MGST2: variants seen among roughly 807,000 people sequenced by gnomAD.
The protein encoded by MGST2 is glutathione peroxidase MGST2.
Under a neutral mutation model 16.6 loss-of-function variants are expected in MGST2, and 9 were observed. That is an observed-to-expected ratio of 0.54 (90% CI 0.33 to 0.95). MGST2 has a LOEUF of 0.95. Among genes scored for constraint, MGST2 ranks in the 40% least tolerant of loss-of-function variants. The pLI, the probability that MGST2 is intolerant of heterozygous loss-of-function variation, is 0.03. For missense variants in MGST2, 159 were observed against 175.1 expected, an observed-to-expected ratio of 0.91 and a Z score of 0.52; for synonymous variants, 79 against 68.0, an observed-to-expected ratio of 1.16 and a Z score of -0.79.
intron 5 of MGST2, among the ~76,000 whole-genome samples, chr4:139,723,113 G>T (rs6834271): frequency 0.12 from 18,240 of 152,236 alleles, 1,276 homozygotes; most frequent in East Asian, 0.16. Context: ...ATATCTATAT[G>T]AGTGCGAAAT....
chr4:139,693,262 G>A (rs1001672555), intron 2 of MGST2, among the ~76,000 whole-genome samples: 4 of 152,090 alleles, frequency 2.6e-5, no homozygotes, highest in African/African-American at 4.8e-5. Flanking sequence ...AAAATTAGCC[G>A]GGCGCGGTGG....
downstream of MGST2, among the ~76,000 whole-genome samples, chr4:139,745,171 G>A (rs1212683672): frequency 6.6e-6 from 1 of 152,184 alleles, no homozygotes; most frequent in Non-Finnish European, 1.5e-5. Context: ...TGCAAGGAGG[G>A]AGGTGGCCAC....
intron 5 of MGST2, among the ~76,000 whole-genome samples, chr4:139,726,214 T>C (rs1728467827): frequency 6.6e-6 from 1 of 152,252 alleles, no homozygotes; most frequent in East Asian, 1.9e-4. Flanking sequence ...GTCTGGCTTC[T>C]TGCATTCACC....
At chr4:139,686,493 G>A (rs1254285884) in intron 2 of MGST2, among the ~76,000 whole-genome samples, 1 of 152,182 alleles carries the variant, frequency 6.6e-6, no homozygotes, top group Non-Finnish European at 1.5e-5. Flanking sequence ...TGGCTGAGGA[G>A]GAAGTCCATT....
chr4:139,672,577 CTTT>C (rs34915408), intron 1 of MGST2, among the ~76,000 whole-genome samples: 10 of 142,500 alleles, frequency 7.0e-5, no homozygotes, highest in Admixed American at 1.4e-4. Context: ...CATTTACACA[CTTT>C]TTTTTTTTTT....
intron 5 of MGST2, among the ~76,000 whole-genome samples, chr4:139,739,510 T>C (rs765120169): frequency 6.6e-5 from 10 of 152,178 alleles, no homozygotes; most frequent in Non-Finnish European, 1.2e-4. Context: ...CAATTCTACA[T>C]TGGTTAAAAG....
intron 5 of MGST2, among the ~76,000 whole-genome samples, chr4:139,728,003 C>T (rs1012377193): frequency 1.3e-5 from 2 of 152,132 alleles, no homozygotes; most frequent in African/African-American, 2.4e-5. Context: ...ATTGCTTGAG[C>T]CCAGGAGTTC....
chr4:139,708,739 A>G (rs1310069527), downstream of MGST2, among the ~76,000 whole-genome samples: 1 of 152,152 alleles, frequency 6.6e-6, no homozygotes, highest in Non-Finnish European at 1.5e-5. Context: ...GCGGTGGCTC[A>G]CGCCTGTAAT....
intron 1 of MGST2, among the ~76,000 whole-genome samples, chr4:139,670,672 G>T (rs1730638180): frequency 6.6e-6 from 1 of 152,136 alleles, no homozygotes; most frequent in Non-Finnish European, 1.5e-5. Context: ...AAGCACTTTG[G>T]GTGACCAAGG....
At chr4:139,744,988 A>T (rs1413676178), downstream of MGST2, among the ~76,000 whole-genome samples, 1 of 152,222 alleles carries the variant, frequency 6.6e-6, no homozygotes. Flanking sequence ...ATTCTCCTTT[A>T]TGAAATGAGG....
intron 5 of MGST2, among the ~76,000 whole-genome samples, chr4:139,736,990 C>T (rs1361103882): frequency 1.3e-5 from 2 of 152,136 alleles, no homozygotes; most frequent in Non-Finnish European, 2.9e-5. Context: ...CCCAAGAATT[C>T]TGAAAGGAGC....
At chr4:139,698,477 A>C in intron 3 of MGST2, 5 of 1,199,834 alleles carry the variant, frequency 4.2e-6, no homozygotes, top group Non-Finnish European at 5.0e-6. Context: ...CACTCTTGCG[A>C]GCGGCTTTTG....
At chr4:139,753,019 T>G in the MGST2 span, among the ~76,000 whole-genome samples, 1 of 152,206 alleles carries the variant, frequency 6.6e-6, no homozygotes, top group East Asian at 1.9e-4. Context: ...GAATTTATTC[T>G]TCCTGTCTTC....
At chr4:139,744,831 C>T (rs559151546), downstream of MGST2, among the ~76,000 whole-genome samples, 8 of 152,164 alleles carry the variant, frequency 5.3e-5, no homozygotes, top group Non-Finnish European at 1.2e-4. Context: ...TGTTTCCATT[C>T]GATTTCCATA....
intron 5 of MGST2, among the ~76,000 whole-genome samples, chr4:139,729,708 T>C (rs962833569): frequency 2.0e-5 from 3 of 152,190 alleles, no homozygotes; most frequent in Non-Finnish European, 4.4e-5. Context: ...ACAAAACAAA[T>C]TGAAATCTAC....
At chr4:139,721,716 C>G (rs1728241304) in intron 5 of MGST2, among the ~76,000 whole-genome samples, 1 of 152,148 alleles carries the variant, frequency 6.6e-6, no homozygotes, top group African/African-American at 2.4e-5. Flanking sequence ...GAAACGATTT[C>G]TATCAGGAAA....
chr4:139,730,075 G>A (rs17286383), intron 5 of MGST2, among the ~76,000 whole-genome samples: 9,004 of 152,204 alleles, frequency 0.059, 372 homozygotes, highest in East Asian at 0.095. Context: ...ACGGCTTATG[G>A]AGCATGTGAG....
intron 1 of MGST2, among the ~76,000 whole-genome samples, chr4:139,670,032 T>C (rs1187625547): frequency 6.6e-6 from 1 of 152,028 alleles, no homozygotes; most frequent in African/African-American, 2.4e-5. Context: ...CCACATGAGA[T>C]AATGAGGTCT....
At chr4:139,698,861 T>A (rs1727088267) in intron 3 of MGST2, among the ~76,000 whole-genome samples, 1 of 151,936 alleles carries the variant, frequency 6.6e-6, no homozygotes, top group Admixed American at 6.6e-5. Flanking sequence ...ACTGAATTCA[T>A]TTATCTTGCA....
Sources: allele counts gnomAD v4.1 joint callset (sites outside exome capture counted in the v4.1 genomes callset), GRCh38; gene constraint gnomAD v4.1.1; transcripts MANE v1.5; gene names NCBI Gene and HGNC (gene_info 2026-07-23, HGNC 2026-07-21).